Variants in GOLM1 observed in about 807,000 individuals in gnomAD.
GOLM1 encodes golgi membrane protein 1, also known as epididymis luminal protein 46.
A neutral mutation model predicts 50.5 loss-of-function variants in GOLM1; 31 were observed. That is an observed-to-expected ratio of 0.61 (90% confidence interval 0.46 to 0.83). The LOEUF (loss-of-function observed/expected upper bound fraction) is 0.83. Ranked by LOEUF, GOLM1 falls within the 40% of genes least tolerant of loss-of-function variation. The pLI, the probability that GOLM1 is intolerant of heterozygous loss-of-function variation, is 0.00. For synonymous variants in GOLM1, 178 were observed against 192.8 expected (o/e 0.92, Z 0.64); for missense variants, 491 against 501.3 (o/e 0.98, Z 0.20).
In GOLM1 at chr9:86,040,778, A is replaced by G; in HGVS notation, c.558T>C (p.Ala186=). The stretch of plus-strand genomic sequence containing the variant: ...CGTTGTTTTCACTCAGGTCTCTGGA[A>G]GCTACAGCTTCATTCCCCTTTTTGG... ...EVTKKGNEAV[A]SRDLSENNDQ... is the part of the protein sequence containing the mutation. The change falls in exon 6 of 10, where the codon GCT becomes GCC. Residue 186 remains alanine (A), a synonymous_variant. Transcript: ENST00000388712. 1 of 1,614,090 alleles carries G rather than the reference A, an allele frequency of 6.2e-7. No individual in the cohort carries two copies. The highest frequency in any genetic ancestry group is 8.5e-7 in the Non-Finnish European group (1 of 1,179,950).
At chr9:86,080,156 C>T (rs1355328162) in intron 1 of GOLM1, 1 of 152,208 alleles carries the variant, frequency 6.6e-6, no homozygotes, top group Non-Finnish European at 1.5e-5. Flanking sequence ...ACTTTAGGGA[C>T]CGTATCTGTG....
chr9:86,080,130 C>T (rs528564793), intron 1 of GOLM1: 24 of 152,308 alleles, frequency 1.6e-4, no homozygotes, highest in South Asian at 8.3e-4. Context: ...CACCTTCTTT[C>T]GAACATTCAT....
chr9:86,090,306 G>A (rs919251853), intron 1 of GOLM1, among the ~76,000 whole-genome samples: 1 of 152,180 alleles, frequency 6.6e-6, no homozygotes, highest in African/African-American at 2.4e-5. Flanking sequence ...CTTCAGAGCT[G>A]GCAGGCAGGA....
chr9:86,094,658 G>C (rs4338185), intron 1 of GOLM1, among the ~76,000 whole-genome samples: 3 of 152,154 alleles, frequency 2.0e-5, no homozygotes, highest in Non-Finnish European at 4.4e-5. Flanking sequence ...GGGCCAGCAC[G>C]ATGGCTCACG....
At chr9:86,031,449 G>GTTTT (rs774806772) in intron 9 of GOLM1, among the ~76,000 whole-genome samples, 8 of 79,530 alleles carry the variant, frequency 1.0e-4, no homozygotes, top group South Asian at 5.7e-4. Flanking sequence ...TACCACTGAG[G>GTTTT]TTTTTTTTTT....
chr9:86,089,929 G>A (rs555340195), intron 1 of GOLM1, among the ~76,000 whole-genome samples: 7 of 152,292 alleles, frequency 4.6e-5, no homozygotes, highest in Admixed American at 6.5e-5. Context: ...GTGAACTTCA[G>A]ATGGGGTTTC....
chr9:86,031,396 G>A (rs1056850391), intron 9 of GOLM1, among the ~76,000 whole-genome samples: 6 of 150,046 alleles, frequency 4.0e-5, no homozygotes, highest in African/African-American at 9.8e-5. Context: ...CTGTTAAAAA[G>A]GAAAGAAATC....
At position 86,047,650 on chromosome 9, in the gene GOLM1, C is replaced by G. The variant is rs1454305715; in HGVS notation, c.365-1078G>C. On this transcript the variant is annotated intron_variant, in intron 4 of 9. Coordinates refer to ENST00000388712, the MANE Select transcript of GOLM1 (RefSeq NM_016548.4). Reference sequence around the variant, plus strand: ...GTCAGGACTTATCCAACTGTACCCACGAGGGGTAAATGTTCTTGTATATAA... The same window carrying G: ...GTCAGGACTTATCCAACTGTACCCAGGAGGGGTAAATGTTCTTGTATATAA... 3.3e-5 allele frequency among the ~76,000 whole-genome samples: 5 copies of G among 152,062 alleles called. No individual in the cohort carries two copies. The East Asian group carries it at 9.6e-4, about 29-fold the overall frequency.
chr9:86,063,651 G>C (rs1834224956), intron 3 of GOLM1, among the ~76,000 whole-genome samples: 1 of 152,180 alleles, frequency 6.6e-6, no homozygotes, highest in Admixed American at 6.5e-5. Context: ...CGCCTGTCTT[G>C]GGTTGGGTTA....
intron 4 of GOLM1, among the ~76,000 whole-genome samples, chr9:86,051,840 T>C (rs1265025863): frequency 6.6e-6 from 1 of 152,154 alleles, no homozygotes; most frequent in African/African-American, 2.4e-5. Context: ...CATAAGACTT[T>C]TTAATATTCT....
chr9:86,070,566 A>AC (rs770189796), intron 3 of GOLM1, among the ~76,000 whole-genome samples: 92 of 150,098 alleles, frequency 6.1e-4, no homozygotes, highest in Admixed American at 4.7e-4. Flanking sequence ...GCGAGACTCC[A>AC]CCTCAAAAAA....
chr9:86,088,676 C>A (rs765478627), intron 1 of GOLM1, among the ~76,000 whole-genome samples: 2 of 148,978 alleles, frequency 1.3e-5, no homozygotes, highest in African/African-American at 2.5e-5. Flanking sequence ...TGAGATGGGT[C>A]TCCTGAATAC....
intron 1 of GOLM1, among the ~76,000 whole-genome samples, chr9:86,083,912 T>C (rs962468126): frequency 6.6e-6 from 1 of 152,242 alleles, no homozygotes; most frequent in African/African-American, 2.4e-5. Flanking sequence ...ACTGATAGTC[T>C]TTATCTTCCT....
At chr9:86,051,207 G>T (rs1353867419) in intron 4 of GOLM1, among the ~76,000 whole-genome samples, 1 of 152,174 alleles carries the variant, frequency 6.6e-6, no homozygotes, top group African/African-American at 2.4e-5. Flanking sequence ...GTTCTAATTT[G>T]ATTGCACTGT....
At chr9:86,084,666 T>C (rs147523159) in intron 1 of GOLM1, among the ~76,000 whole-genome samples, 1 of 152,348 alleles carries the variant, frequency 6.6e-6, no homozygotes, top group East Asian at 1.9e-4. Context: ...AAAAATTATT[T>C]GATAGATCTT....
At chr9:86,061,831 A>C (rs1161723571) in intron 3 of GOLM1, among the ~76,000 whole-genome samples, 2 of 152,090 alleles carry the variant, frequency 1.3e-5, no homozygotes, top group Non-Finnish European at 2.9e-5. Context: ...GAGTGGCTAA[A>C]GGTTTAGGGG....
chr9:86,081,680 A>T (rs917559987), intron 1 of GOLM1, among the ~76,000 whole-genome samples: 5 of 151,992 alleles, frequency 3.3e-5, no homozygotes, highest in Admixed American at 6.5e-5. Context: ...GCCTGAAGTC[A>T]GGAATTTGAG....
chr9:86,074,029 C>T (rs113327572), intron 3 of GOLM1, among the ~76,000 whole-genome samples: 1 of 152,014 alleles, frequency 6.6e-6, no homozygotes, highest in East Asian at 1.9e-4. Context: ...TAACACCTAC[C>T]CAGAGTGACA....
chr9:86,071,799 TA>T (rs1161651809), intron 3 of GOLM1, among the ~76,000 whole-genome samples: 1 of 152,204 alleles, frequency 6.6e-6, no homozygotes. Context: ...CATAGCTCAC[TA>T]AAAGGTCCCA....
Sources: gnomAD v4.1 joint callset for allele counts (sites outside exome capture counted in the v4.1 genomes callset) on GRCh38, gnomAD v4.1.1 for gene constraint, MANE v1.5 for transcripts, NCBI Gene and HGNC (gene_info 2026-07-23, HGNC 2026-07-21) for gene names.